CFAP77: variants seen among roughly 807,000 people sequenced by gnomAD.
CFAP77 encodes cilia and flagella associated protein 77.
CFAP77 carries 25 observed loss-of-function variants against 31.1 expected under a neutral mutation model. The ratio of observed to expected loss-of-function variants is 0.80; its 90% CI spans 0.59 to 1.12. CFAP77 has a LOEUF of 1.12. Ranked by LOEUF, CFAP77 falls within the 50% of genes most tolerant of loss-of-function variation. The pLI, the probability that CFAP77 is intolerant of heterozygous loss-of-function variation, is 0.00. For synonymous variants in CFAP77, 151 were observed against 159.9 expected (o/e 0.94, Z 0.42); for missense variants, 377 against 397.3 (o/e 0.95, Z 0.44).
intron 4 of CFAP77, among the ~76,000 whole-genome samples, chr9:132,540,337 C>T (rs1852619173): frequency 6.6e-6 from 1 of 152,168 alleles, no homozygotes; most frequent in African/African-American, 2.4e-5. Context: ...AAGCAGAGCC[C>T]CCAAAACAGC....
At chr9:132,487,643 G>GT (rs74783489) in intron 1 of CFAP77, among the ~76,000 whole-genome samples, 2,622 of 126,620 alleles carry the variant, frequency 0.021, 50 homozygotes, top group East Asian at 0.062. Flanking sequence ...TCCGGCTGTG[G>GT]TTTTTTTTTT....
rs763301010 is a variant in CFAP77 at position 132,437,503 on chromosome 9, A to ATTTT, written c.195+27058_195+27061dup. 9.6e-4 allele frequency among the ~76,000 whole-genome samples: 87 copies of ATTTT among 90,464 alleles called. 1 individual carries two copies. Among genetic ancestry groups the ATTTT allele is most frequent in the African/African-American group, 1.5e-3 (32 of 21,828 alleles). 59.3% of individuals were successfully genotyped at this position (90,464 alleles called of 152,430 possible). On this transcript the variant is annotated intron_variant, in intron 1 of 5. Coordinates refer to ENST00000393216, the MANE Select transcript of CFAP77 (RefSeq NM_001282957.2). ...TCAAGAGGGGCGGGACCACTTTTGC[A>ATTTT]TTTTTTTTTTTTTTTTTTTTTTTTG...
At chr9:132,504,382 C>A (rs1851900177) in intron 3 of CFAP77, among the ~76,000 whole-genome samples, 1 of 152,206 alleles carries the variant, frequency 6.6e-6, no homozygotes, top group Non-Finnish European at 1.5e-5. Flanking sequence ...TCTTAAATTG[C>A]TGTAAAACCA....
Position 132,499,028 on chromosome 9 carries a change from C to CA in CFAP77, c.295+234_295+235insA, listed in dbSNP as rs1697633208. ...GGAACTAGCATGGGTATCCCCGCAC[C>CA]GCCCCCCTTCCCCGCCGCCGGCAGG... On this transcript the variant is annotated intron_variant, in intron 2 of 5. Coordinates refer to ENST00000393216, the MANE Select transcript of CFAP77 (RefSeq NM_001282957.2). This position sits in a 1 kb window ranked among gnomAD's most constrained non-coding sequence, Gnocchi z 5.4. Among the ~76,000 whole-genome samples, 1 of 144,048 alleles carries CA rather than the reference C, an allele frequency of 6.9e-6. No homozygotes were observed. The highest frequency in any genetic ancestry group is 2.0e-4 in the East Asian group (1 of 4,946). The allele number at this position is 144,048 out of a possible 152,430, so 94.5% of individuals were successfully genotyped here. A position where few individuals can be genotyped will look rare whatever the true frequency, so the allele number is the denominator to read the frequency against.
At chr9:132,413,050 AGGTGT>A (rs1203312516) in intron 1 of CFAP77, among the ~76,000 whole-genome samples, 6 of 152,144 alleles carry the variant, frequency 3.9e-5, no homozygotes, top group Non-Finnish European at 8.8e-5. Context: ...CTGAACCTGA[AGGTGT>A]GCATTGGAAG....
At chr9:132,571,438 G>C (rs995935945) in intron 5 of CFAP77, among the ~76,000 whole-genome samples, 4 of 152,096 alleles carry the variant, frequency 2.6e-5, no homozygotes, top group Non-Finnish European at 5.9e-5. Context: ...TCTGTCCATT[G>C]TAATGAAATA....
chr9:132,486,018 A>ATATATATATATATGTATG (rs1564222966), intron 1 of CFAP77, among the ~76,000 whole-genome samples: 2 of 37,516 alleles, frequency 5.3e-5, no homozygotes, highest in Non-Finnish European at 8.3e-5. Context: ...ATATATATAT[A>ATATATATATATATGTATG]TATATATATA....
Position 132,495,814 on chromosome 9 carries a change from A to G in CFAP77, c.196-2881A>G, listed in dbSNP as rs1460679966. Among the ~76,000 whole-genome samples, 1 of 152,184 alleles carries G rather than the reference A, an allele frequency of 6.6e-6. No individual in the cohort carries two copies. The highest frequency in any genetic ancestry group is 2.4e-5 in the African/African-American group (1 of 41,448). On this transcript the variant is annotated intron_variant, in intron 1 of 5. Coordinates refer to ENST00000393216, the MANE Select transcript of CFAP77 (RefSeq NM_001282957.2). The surrounding 1 kb of genome is among the most constrained non-coding windows in gnomAD (Gnocchi z 4.2). ...GAATTTGTGCCCTTAAATGAAGAGG[A>G]AGAAAGCTAACTCTATCTCTGCTCT... is the stretch of plus-strand genomic sequence containing the variant.
intron 1 of CFAP77, among the ~76,000 whole-genome samples, chr9:132,489,159 T>A (rs1258968472): frequency 1.3e-5 from 2 of 152,134 alleles, no homozygotes; most frequent in African/African-American, 4.8e-5. Flanking sequence ...ACTTCAGAAT[T>A]CCCTGATGTG....
chr9:132,436,755 A>G (rs1290396748), intron 1 of CFAP77, among the ~76,000 whole-genome samples: 3 of 152,218 alleles, frequency 2.0e-5, no homozygotes, highest in Non-Finnish European at 4.4e-5. Context: ...GAACGCTTCA[A>G]GTGAGATTCC....
rs1829983517 is a variant in CFAP77, at chr9:132,573,020, C to T, written c.*510C>T. 6.5e-6 allele frequency: 1 copy of T among 153,192 alleles called. No homozygotes were observed. Among genetic ancestry groups the T allele is most frequent in the Non-Finnish European group, 1.5e-5 (1 of 68,792 alleles). The allele number at this position is 153,192 out of a possible 1,614,324, so 9.5% of individuals were successfully genotyped here. A position where few individuals can be genotyped will look rare whatever the true frequency, so the allele number is the denominator to read the frequency against. ...CACGGCAGTATTATCTCTCTGGGAC[C>T]TCTGACAGCAGGAAGAGCCAATGGT... On this transcript the variant is annotated 3_prime_UTR_variant, in exon 6 of 6. Transcript: ENST00000393216.
chr9:132,549,349 G>T (rs1355028514), intron 5 of CFAP77, among the ~76,000 whole-genome samples: 1 of 152,206 alleles, frequency 6.6e-6, no homozygotes, highest in Non-Finnish European at 1.5e-5. Context: ...TCGCTTCCTT[G>T]CATCGGAATA....
At chr9:132,460,111 G>T (rs182690072) in intron 1 of CFAP77, among the ~76,000 whole-genome samples, 1 of 152,310 alleles carries the variant, frequency 6.6e-6, no homozygotes, top group Admixed American at 6.5e-5. Context: ...ATGGAAGAGT[G>T]TTTATGGATG....
chr9:132,459,031 C>T (rs1358175544), intron 1 of CFAP77, among the ~76,000 whole-genome samples: 1 of 151,252 alleles, frequency 6.6e-6, no homozygotes, highest in Non-Finnish European at 1.5e-5. Flanking sequence ...TAAATTGTGA[C>T]TTGCCCTTCT....
rs1019057395 is a variant in CFAP77 at position 132,564,313 on chromosome 9, T to C, written c.733-8075T>C. Among the ~76,000 whole-genome samples the C allele has an allele frequency of 6.6e-6, 1 of 152,174 alleles. No individual in the cohort carries two copies. Among genetic ancestry groups the C allele is most frequent in the Admixed American group, 6.5e-5 (1 of 15,282 alleles). On this transcript the variant is annotated intron_variant, in intron 5 of 5. Transcript: ENST00000393216. This position sits in a 1 kb window ranked among gnomAD's most constrained non-coding sequence, Gnocchi z 4.6. ...TTCATTCCACATGAGGATTTTTTCA[T>C]TGAAAGTAGAACAGATTTTTCAAGC...
In CFAP77 at chr9:132,424,702, G is replaced by T. The variant is rs142220789; in HGVS notation, c.195+14236G>T. Among the ~76,000 whole-genome samples the T allele has an allele frequency of 1.3e-5, 2 of 152,294 alleles. No homozygotes were observed. Among genetic ancestry groups the T allele is most frequent in the African/African-American group, 4.8e-5 (2 of 41,568 alleles). On this transcript the variant is annotated intron_variant, in intron 1 of 5. Coordinates refer to ENST00000393216, the MANE Select transcript of CFAP77 (RefSeq NM_001282957.2). This position sits in a 1 kb window ranked among gnomAD's most constrained non-coding sequence, Gnocchi z 4.1. ...TTGAAAGTTTAAAGAAGAGACTCGG[G>T]ATAAAGACGCATAGATACCGGGTTT...
At chr9:132,515,719 G>C (rs1181680425) in intron 3 of CFAP77, among the ~76,000 whole-genome samples, 1 of 152,180 alleles carries the variant, frequency 6.6e-6, no homozygotes, top group Non-Finnish European at 1.5e-5. Flanking sequence ...TGAAGGCAGA[G>C]AGAGGATAGA....
rs1290776927 is a variant in CFAP77 at position 132,498,685 on chromosome 9, C to T, written c.196-10C>T. ...CTCCTCACCTCTGCTCTCTGTCCTT[C>T]CCCCGACAGGCTGAACTCGGCAAGC... On this transcript the variant is annotated splice_polypyrimidine_tract_variant and intron_variant, in intron 1 of 5. Coordinates refer to ENST00000393216, the MANE Select transcript of CFAP77 (RefSeq NM_001282957.2). This position sits in a 1 kb window ranked among gnomAD's most constrained non-coding sequence, Gnocchi z 4.2. 1.2e-6 allele frequency: 2 copies of T among 1,602,932 alleles called. No homozygotes were observed. Among genetic ancestry groups the T allele is most frequent in the East Asian group, 2.2e-5 (1 of 44,772 alleles).
chr9:132,452,129 TCCCATCGCTCC>T (rs1485172804), intron 1 of CFAP77, among the ~76,000 whole-genome samples: 1 of 152,092 alleles, frequency 6.6e-6, no homozygotes, highest in Non-Finnish European at 1.5e-5. Context: ...ACAAATCTGG[TCCCATCGCTCC>T]CCCATTGCGA....
Sources: gnomAD v4.1 joint callset for allele counts (sites outside exome capture counted in the v4.1 genomes callset) on GRCh38, gnomAD v4.1.1 for gene constraint, Gnocchi (gnomAD v3.1) non-coding constraint, MANE v1.5 for transcripts, NCBI Gene and HGNC (gene_info 2026-07-23, HGNC 2026-07-21) for gene names.